Variants in DPP6 observed in about 807,000 individuals in gnomAD.
DPP6 encodes the protein A-type potassium channel modulatory protein DPP6.
A neutral mutation model predicts 122.6 loss-of-function variants in DPP6; 69 were observed. The observed-to-expected ratio is 0.56, with a 90% CI of 0.46 to 0.69. The LOEUF (loss-of-function observed/expected upper bound fraction) is 0.69, where lower values mean the gene tolerates loss of function less well. DPP6 is among the 30% of genes least tolerant of loss of function. DPP6 has a pLI of 0.00. For missense variants in DPP6, 928 were observed against 1,116.9 expected, an observed-to-expected ratio of 0.83 and a Z score of 2.41; for synonymous variants, 418 against 433.1, an observed-to-expected ratio of 0.97 and a Z score of 0.43.
the DPP6 span, among the ~76,000 whole-genome samples, chr7:153,772,050 C>T: frequency 6.6e-6 from 1 of 151,930 alleles, no homozygotes; most frequent in Non-Finnish European, 1.5e-5. Flanking sequence ...TTCCCAGTTC[C>T]TCCTTCACAG....
chr7:154,054,965 CAT>C (rs753399196), intron 1 of DPP6, among the ~76,000 whole-genome samples: 6 of 151,978 alleles, frequency 3.9e-5, no homozygotes, highest in Admixed American at 6.6e-5. Context: ...TTTATTGTGA[CAT>C]GTGTCTAGAA....
upstream of DPP6, among the ~76,000 whole-genome samples, chr7:154,050,348 A>G (rs1339475717): frequency 6.6e-6 from 1 of 152,248 alleles, no homozygotes; most frequent in East Asian, 1.9e-4. Flanking sequence ...ATCTATGATT[A>G]ATATGCACAC....
At chr7:154,886,549 C>A (rs1484296112) in intron 22 of DPP6, among the ~76,000 whole-genome samples, 1 of 152,232 alleles carries the variant, frequency 6.6e-6, no homozygotes, top group African/African-American at 2.4e-5. Flanking sequence ...ACAGAGAGGT[C>A]TTTTCTGTGG....
In DPP6 at chr7:154,106,795, A is replaced by G. The variant is rs2312601; in HGVS notation, c.243+53732A>G. Among the ~76,000 whole-genome samples, 960 of 152,212 alleles carry G rather than the reference A, an allele frequency of 6.3e-3. 16 individuals carry two copies. Among genetic ancestry groups the G allele is most frequent in the African/African-American group, 0.022 (930 of 41,504 alleles). ...AAGGCTGGAGGAAAAGTTGAGACCC[A>G]TGTGGGGAGGGACGGATGAAGGTTC... is the stretch of plus-strand genomic sequence containing the variant. On this transcript the variant is annotated intron_variant, in intron 1 of 25. Transcript: ENST00000377770.
chr7:154,074,254 G>A (rs1398366398), intron 1 of DPP6, among the ~76,000 whole-genome samples: 2 of 151,976 alleles, frequency 1.3e-5, no homozygotes, highest in African/African-American at 4.8e-5. Flanking sequence ...GAAGGATGAA[G>A]ATGATATTTT....
chr7:154,127,406 A>G (rs1320329323), intron 1 of DPP6, among the ~76,000 whole-genome samples: 2 of 152,178 alleles, frequency 1.3e-5, no homozygotes, highest in Non-Finnish European at 2.9e-5. Context: ...TGTAGTCAAG[A>G]AAAGGGCTTT....
At chr7:154,374,170 C>G (rs1051589331) in intron 1 of DPP6, among the ~76,000 whole-genome samples, 1 of 152,098 alleles carries the variant, frequency 6.6e-6, no homozygotes, top group East Asian at 1.9e-4. Context: ...TAGACAGACT[C>G]CAGTTGGAAT....
chr7:154,017,771 T>G (rs1359952627), intron 1 of DPP6, among the ~76,000 whole-genome samples: 2 of 150,000 alleles, frequency 1.3e-5, no homozygotes, highest in African/African-American at 2.4e-5. Flanking sequence ...TTAGAATACT[T>G]GAAACCTAGC....
At chr7:154,598,413 A>G (rs978847307) in intron 5 of DPP6, among the ~76,000 whole-genome samples, 3 of 152,182 alleles carry the variant, frequency 2.0e-5, no homozygotes, top group African/African-American at 7.2e-5. Flanking sequence ...TGTTGCAGAC[A>G]GCCTTTGGCC....
At chr7:154,683,099 T>G (rs909249050) in intron 7 of DPP6, among the ~76,000 whole-genome samples, 3 of 152,248 alleles carry the variant, frequency 2.0e-5, no homozygotes, top group Non-Finnish European at 2.9e-5. Flanking sequence ...ACCTCTTCAT[T>G]TATCTGAATG....
At chr7:154,325,031 A>AT (rs1362630735) in intron 1 of DPP6, among the ~76,000 whole-genome samples, 3 of 151,474 alleles carry the variant, frequency 2.0e-5, no homozygotes, top group South Asian at 2.1e-4. Flanking sequence ...TGCTTGGCTA[A>AT]TTTTTTTATA....
intron 22 of DPP6, among the ~76,000 whole-genome samples, chr7:154,886,942 A>C (rs1046625471): frequency 1.3e-5 from 2 of 152,272 alleles, no homozygotes; most frequent in African/African-American, 4.8e-5. Context: ...TGTAAGAGGA[A>C]TCTTCCCTCA....
intron 1 of DPP6, among the ~76,000 whole-genome samples, chr7:154,274,926 C>T (rs963886457): frequency 6.6e-6 from 1 of 152,256 alleles, no homozygotes; most frequent in Admixed American, 6.5e-5. Context: ...CAGGCTCTGT[C>T]ATAATCACAG....
At chr7:154,390,964 C>T (rs1436338673) in intron 1 of DPP6, among the ~76,000 whole-genome samples, 1 of 152,128 alleles carries the variant, frequency 6.6e-6, no homozygotes, top group African/African-American at 2.4e-5. Flanking sequence ...ACCATGTGAC[C>T]TGGGCGGTTG....
chr7:154,362,400 G>C (rs1811806954), intron 1 of DPP6, among the ~76,000 whole-genome samples: 1 of 152,044 alleles, frequency 6.6e-6, no homozygotes. Context: ...TGCCTCCCTA[G>C]CAATAGAGTT....
At chr7:154,865,621 T>C (rs2150615883) in intron 17 of DPP6, 1 of 152,386 alleles carries the variant, frequency 6.6e-6, no homozygotes, top group East Asian at 1.9e-4. Flanking sequence ...AACTTTTCCA[T>C]CAATTTAATG....
At chr7:154,031,620 T>C (rs1799232201) in intron 1 of DPP6, among the ~76,000 whole-genome samples, 1 of 151,854 alleles carries the variant, frequency 6.6e-6, no homozygotes. Flanking sequence ...TTTGAGACTC[T>C]AGGCAGACAC....
the DPP6 span, among the ~76,000 whole-genome samples, chr7:153,800,679 G>A: frequency 1.3e-5 from 2 of 152,012 alleles, no homozygotes; most frequent in Non-Finnish European, 2.9e-5. Context: ...ACCGTGCCAG[G>A]CTAATTTTTG....
At chr7:154,082,846 CTTTTT>C (rs1174987723) in intron 1 of DPP6, among the ~76,000 whole-genome samples, 1 of 106,276 alleles carries the variant, frequency 9.4e-6, no homozygotes, top group African/African-American at 4.0e-5. Context: ...TTTTCTTTTT[CTTTTT>C]TTTTTTTTTT....
Sources: allele counts gnomAD v4.1 joint callset (sites outside exome capture counted in the v4.1 genomes callset), GRCh38; gene constraint gnomAD v4.1.1; transcripts MANE v1.5; gene names NCBI Gene and HGNC (gene_info 2026-07-23, HGNC 2026-07-21).